SOCS5: variants seen among roughly 807,000 people sequenced by gnomAD.
SOCS5 encodes the protein suppressor of cytokine signaling 5, also known as CIS-6.
In SOCS5, 32 loss-of-function variants were observed where a neutral mutation model predicts 42.8. The observed-to-expected ratio is 0.75, with a 90% CI of 0.56 to 1.01. SOCS5 has a LOEUF of 1.01. Ranked by LOEUF, SOCS5 falls within the 50% of genes least tolerant of loss-of-function variation. The probability of loss-of-function intolerance (pLI) is 0.00; values close to 1 mark genes in which losing one functional copy is unlikely to be tolerated. For synonymous variants in SOCS5, 283 were observed against 229.6 expected (o/e 1.23, Z -2.10); for missense variants, 627 against 653.0 (o/e 0.96, Z 0.43).
chr2:46,716,481 A>G (rs1672747648), intron 1 of SOCS5, among the ~76,000 whole-genome samples: 1 of 146,036 alleles, frequency 6.8e-6, no homozygotes, highest in South Asian at 2.1e-4. Context: ...TATTTAATTA[A>G]CTAATTAATT....
chr2:46,717,709 T>C (rs1185517012), intron 1 of SOCS5, among the ~76,000 whole-genome samples: 1 of 152,218 alleles, frequency 6.6e-6, no homozygotes, highest in African/African-American at 2.4e-5. Context: ...TTGTAAATTT[T>C]AGGGTTAGGT....
chr2:46,715,793 G>A (rs549826187), intron 1 of SOCS5, among the ~76,000 whole-genome samples: 1 of 152,254 alleles, frequency 6.6e-6, no homozygotes, highest in East Asian at 1.9e-4. Flanking sequence ...CTTTTTGGAA[G>A]TTTATTGAGT....
intron 1 of SOCS5, among the ~76,000 whole-genome samples, chr2:46,753,776 G>T (rs747049357): frequency 2.0e-5 from 3 of 152,162 alleles, no homozygotes; most frequent in Admixed American, 6.6e-5. Context: ...GCAATTCCTG[G>T]AACTGAAGGT....
intron 1 of SOCS5, among the ~76,000 whole-genome samples, chr2:46,738,075 GTTAAAA>G (rs1441372129): frequency 6.6e-6 from 1 of 152,142 alleles, no homozygotes. Flanking sequence ...TGATGTAGAT[GTTAAAA>G]TTAGAATTGA....
intron 1 of SOCS5, among the ~76,000 whole-genome samples, chr2:46,717,526 G>T (rs980938842): frequency 6.6e-6 from 1 of 150,450 alleles, no homozygotes; most frequent in African/African-American, 2.4e-5. Context: ...CGGGTTAACG[G>T]TTTTTTTTTC....
chr2:46,740,722 G>C (rs533774314), intron 1 of SOCS5, among the ~76,000 whole-genome samples: 1 of 152,018 alleles, frequency 6.6e-6, no homozygotes, highest in Non-Finnish European at 1.5e-5. Flanking sequence ...GTTCTAGAAT[G>C]AGGATCTGCC....
In SOCS5 at chr2:46,759,787, C is replaced by T. The variant is rs1673820464; in HGVS notation, c.1257C>T (p.Phe419=). Residue 419 remains phenylalanine, a synonymous_variant, in exon 2 of 2, where the codon TTC becomes TTT. Transcript: ENST00000394861. ...AQEDYLFSVS[F]RRYNRSLHAR... ...AGGACTACCTCTTCTCTGTGAGCTT[C>T]CGCCGCTACAACAGATCCCTGCATG... 6.2e-7 allele frequency: 1 copy of T among 1,614,032 alleles called. No homozygotes were observed. The highest frequency in any genetic ancestry group is 1.1e-5 in the South Asian group (1 of 91,080).
At chr2:46,740,936 G>C (rs1474601950) in intron 1 of SOCS5, among the ~76,000 whole-genome samples, 3 of 152,114 alleles carry the variant, frequency 2.0e-5, no homozygotes, top group African/African-American at 7.2e-5. Context: ...TCAGAACCTT[G>C]CAACCAGAAG....
intron 1 of SOCS5, among the ~76,000 whole-genome samples, chr2:46,722,902 A>G (rs943304598): frequency 6.6e-6 from 1 of 152,052 alleles, no homozygotes; most frequent in Non-Finnish European, 1.5e-5. Context: ...GGATTTCTCT[A>G]ATGTCTAATA....
At chr2:46,715,327 A>ATGCCACTG (rs1352396979) in intron 1 of SOCS5, among the ~76,000 whole-genome samples, 1 of 151,432 alleles carries the variant, frequency 6.6e-6, no homozygotes, top group African/African-American at 2.4e-5. Context: ...AGCCTAGATC[A>ATGCCACTG]TGCCACTGTG....
chr2:46,709,894 T>C (rs1026366762), intron 1 of SOCS5, among the ~76,000 whole-genome samples: 6 of 152,218 alleles, frequency 3.9e-5, no homozygotes, highest in African/African-American at 1.4e-4. Flanking sequence ...TGTTTTCTCC[T>C]TACATACTTC....
chr2:46,703,527 A>C (rs550911440), intron 1 of SOCS5, among the ~76,000 whole-genome samples: 1 of 152,368 alleles, frequency 6.6e-6, no homozygotes, highest in South Asian at 2.1e-4. Flanking sequence ...CAAGTCTATT[A>C]CATAATCTAA....
chr2:46,715,443 C>G (rs1171714299), intron 1 of SOCS5, among the ~76,000 whole-genome samples: 1 of 151,158 alleles, frequency 6.6e-6, no homozygotes, highest in African/African-American at 2.4e-5. Context: ...TTTTTTAGAT[C>G]TTTATTTCTT....
chr2:46,751,769 T>C (rs1347265128), intron 1 of SOCS5, among the ~76,000 whole-genome samples: 1 of 151,986 alleles, frequency 6.6e-6, no homozygotes, highest in Admixed American at 6.5e-5. Context: ...AACATAATCT[T>C]AAATGTTTTA....
intron 1 of SOCS5, among the ~76,000 whole-genome samples, chr2:46,715,444 TTTA>T (rs2103703565): frequency 6.6e-6 from 1 of 152,214 alleles, no homozygotes; most frequent in East Asian, 1.9e-4. Flanking sequence ...TTTTTAGATC[TTTA>T]TTTCTTTGTA....
chr2:46,747,712 C>A (rs1323732142), intron 1 of SOCS5, among the ~76,000 whole-genome samples: 1 of 152,144 alleles, frequency 6.6e-6, no homozygotes, highest in Non-Finnish European at 1.5e-5. Context: ...AGTTTCTAAG[C>A]TGCTATGCCC....
intron 1 of SOCS5, among the ~76,000 whole-genome samples, chr2:46,731,483 T>C (rs1314694194): frequency 2.0e-5 from 3 of 152,222 alleles, no homozygotes; most frequent in African/African-American, 7.2e-5. Flanking sequence ...AAAATACTAA[T>C]ACTAAGACAA....
At chr2:46,702,321 G>C (rs1672363541) in intron 1 of SOCS5, among the ~76,000 whole-genome samples, 1 of 152,114 alleles carries the variant, frequency 6.6e-6, no homozygotes, top group South Asian at 2.1e-4. Flanking sequence ...GGGGTACTTG[G>C]TACAAATGAT....
chr2:46,759,997 C>T lies in SOCS5; in HGVS notation c.1467C>T (p.Arg489=), dbSNP rs752903651. 10 of 1,614,128 alleles carry T rather than the reference C, an allele frequency of 6.2e-6. No homozygotes were observed. Among genetic ancestry groups the T allele is most frequent in the Admixed American group, 5.0e-5 (3 of 60,020 alleles). The change falls in exon 2 of 2, where the codon CGC becomes CGT. Residue 489 remains arginine (R), a synonymous_variant. Coordinates refer to ENST00000394861, the MANE Select transcript of SOCS5 (RefSeq NM_144949.3). ...CTTTTAGCCTGCAGTATATCTGTCGCGCGGTAATCTGCAGGTGCACTACGT... is the reference window on the plus strand; with the variant it reads ...CTTTTAGCCTGCAGTATATCTGTCGTGCGGTAATCTGCAGGTGCACTACGT... ...TFPFSLQYIC[R]AVICRCTTYD...
Sources: gnomAD v4.1 joint callset for allele counts (sites outside exome capture counted in the v4.1 genomes callset) on GRCh38, gnomAD v4.1.1 for gene constraint, MANE v1.5 for transcripts, NCBI Gene and HGNC (gene_info 2026-07-23, HGNC 2026-07-21) for gene names.